Variants in CACHD1 observed in about 807,000 individuals in gnomAD.
The protein encoded by CACHD1 is cache domain containing 1.
Under a neutral mutation model 138.7 loss-of-function variants are expected in CACHD1, and 71 were observed. The observed-to-expected ratio is 0.51, with a 90% CI of 0.42 to 0.62. The LOEUF (loss-of-function observed/expected upper bound fraction) is 0.62, where lower values mean the gene tolerates loss of function less well. Among genes scored for constraint, CACHD1 ranks in the 20% least tolerant of loss-of-function variants. CACHD1 has a pLI of 0.00. For missense variants in CACHD1, 1,389 were observed against 1,625.3 expected (o/e 0.85, Z 2.50); for synonymous variants, 578 against 591.5 (o/e 0.98, Z 0.33).
intron 3 of CACHD1, among the ~76,000 whole-genome samples, chr1:64,590,565 T>A (rs1003490997): frequency 6.6e-6 from 1 of 152,216 alleles, no homozygotes; most frequent in African/African-American, 2.4e-5. Context: ...TGCTGACCCA[T>A]AATGTTCAGA....
chr1:64,554,055 A>G (rs1333053522), intron 2 of CACHD1, among the ~76,000 whole-genome samples: 1 of 152,112 alleles, frequency 6.6e-6, no homozygotes, highest in African/African-American at 2.4e-5. Flanking sequence ...TTTAAGAGAC[A>G]GGTTCTCGCT....
At chr1:64,535,320 T>G (rs947624520) in intron 1 of CACHD1, among the ~76,000 whole-genome samples, 1 of 147,252 alleles carries the variant, frequency 6.8e-6, no homozygotes, top group African/African-American at 2.7e-5. Context: ...TGATGGGAAT[T>G]TGGAGGGTTT....
At chr1:64,665,660 T>C (rs1291018455) in intron 15 of CACHD1, among the ~76,000 whole-genome samples, 2 of 152,126 alleles carry the variant, frequency 1.3e-5, no homozygotes, top group Non-Finnish European at 2.9e-5. Context: ...TCATCCTAAA[T>C]ATTTTTAGAC....
At chr1:64,611,136 G>A (rs1192067807) in intron 4 of CACHD1, among the ~76,000 whole-genome samples, 1 of 152,180 alleles carries the variant, frequency 6.6e-6, no homozygotes, top group Admixed American at 6.5e-5. Context: ...GCACAGACTA[G>A]TGGGTCCCTG....
rs558840351 is a variant in CACHD1 at position 64,528,277 on chromosome 1, T to A, written c.199-22317T>A. On this transcript the variant is annotated intron_variant, in intron 1 of 26. Transcript: ENST00000651257. ...ATAAGAAGTATTTTGGAGGAATAGG[T>A]TGACATTTAGCATTCTGGTTTGAAA... Among the ~76,000 whole-genome samples the A allele has an allele frequency of 2.6e-5, 4 of 152,328 alleles. No homozygotes were observed. The East Asian group carries it at 7.7e-4, about 29-fold the overall frequency.
chr1:64,490,253 G>A (rs1290500116), intron 1 of CACHD1, among the ~76,000 whole-genome samples: 1 of 152,166 alleles, frequency 6.6e-6, no homozygotes, highest in Non-Finnish European at 1.5e-5. Flanking sequence ...GTCTGACTGG[G>A]CATGGTTTCC....
intron 3 of CACHD1, among the ~76,000 whole-genome samples, chr1:64,587,979 A>G (rs2100549690): frequency 6.6e-6 from 1 of 152,128 alleles, no homozygotes; most frequent in Middle Eastern, 3.4e-3. Context: ...CTCTTGAAAA[A>G]TCAGAAGATT....
chr1:64,608,079 A>G (rs1446395194), intron 4 of CACHD1, among the ~76,000 whole-genome samples: 3 of 152,194 alleles, frequency 2.0e-5, no homozygotes, highest in South Asian at 4.1e-4. Context: ...TTGAATTTTT[A>G]TATTTCTGTG....
At chr1:64,505,578 C>T (rs1166026787) in intron 1 of CACHD1, among the ~76,000 whole-genome samples, 3 of 129,654 alleles carry the variant, frequency 2.3e-5, no homozygotes, top group Middle Eastern at 4.4e-3. Context: ...GCACACCCCG[C>T]CCCGCCGCCC....
chr1:64,627,920 A>C (rs1387410510), intron 4 of CACHD1, among the ~76,000 whole-genome samples: 1 of 152,176 alleles, frequency 6.6e-6, no homozygotes, highest in Non-Finnish European at 1.5e-5. Flanking sequence ...GGGAGGGAGA[A>C]GAGAAGAATT....
chr1:64,622,426 C>T (rs1476414442), intron 4 of CACHD1, among the ~76,000 whole-genome samples: 2 of 152,162 alleles, frequency 1.3e-5, no homozygotes, highest in African/African-American at 4.8e-5. Flanking sequence ...ATTAAGTGGT[C>T]AGTTTCACCT....
At chr1:64,690,189 G>T (rs75061456) in intron 26 of CACHD1, among the ~76,000 whole-genome samples, 2 of 152,100 alleles carry the variant, frequency 1.3e-5, no homozygotes, top group Non-Finnish European at 2.9e-5. Context: ...TTATAGGTAC[G>T]CAGTAAATAT....
intron 19 of CACHD1, among the ~76,000 whole-genome samples, chr1:64,674,667 C>A (rs1649925466): frequency 6.6e-6 from 1 of 152,130 alleles, no homozygotes; most frequent in Non-Finnish European, 1.5e-5. Context: ...CTAATCCTCA[C>A]CAAGCATATA....
chr1:64,543,540 C>T (rs1294093381), intron 1 of CACHD1, among the ~76,000 whole-genome samples: 1 of 151,548 alleles, frequency 6.6e-6, no homozygotes, highest in Non-Finnish European at 1.5e-5. Context: ...CATGCTACTG[C>T]ACTCCAGCCT....
intron 26 of CACHD1, 95 bp downstream of exon 26, chr1:64,682,201 A>C: frequency 9.1e-7 from 1 of 1,102,808 alleles, no homozygotes; most frequent in Non-Finnish European, 1.4e-6. Flanking sequence ...TTTTCCAAAA[A>C]GACACACCCC....
rs539651632 is a variant in CACHD1 at position 64,505,436 on chromosome 1, C to A, written c.198+34494C>A. Among the ~76,000 whole-genome samples the A allele has an allele frequency of 3.4e-4, 51 of 152,230 alleles. 1 individual carries two copies. The East Asian group carries it at 9.7e-3, about 29-fold the overall frequency. Reference sequence around the variant, plus strand: ...CTGCTGCACCCTTGGAGGCTGCGGGCTTTCCTGGGCCTCGGAGAGCGGCTC... The same window carrying A: ...CTGCTGCACCCTTGGAGGCTGCGGGATTTCCTGGGCCTCGGAGAGCGGCTC... On this transcript the variant is annotated intron_variant, in intron 1 of 26. Coordinates refer to ENST00000651257, the MANE Select transcript of CACHD1 (RefSeq NM_020925.4).
chr1:64,629,440 A>G lies in CACHD1; in HGVS notation c.603A>G (p.Ala201=). The G allele has an allele frequency of 6.2e-7, 1 of 1,614,136 alleles. No homozygotes were observed. The highest frequency in any genetic ancestry group is 8.5e-7 in the Non-Finnish European group (1 of 1,179,978). ...SEEGIFTVFP[A]HKFRCKGSYE... ...AAGGAATTTTCACTGTTTTCCCAGC[A>G]CACAAGTTCCGGTGTAAGGGCAGCT... The change falls in exon 5 of 27, where the codon GCA becomes GCG. Residue 201 remains alanine, a synonymous_variant. Transcript: ENST00000651257.
chr1:64,596,853 T>C (rs1647157405), intron 3 of CACHD1, among the ~76,000 whole-genome samples: 1 of 152,212 alleles, frequency 6.6e-6, no homozygotes, highest in Non-Finnish European at 1.5e-5. Context: ...AGGGATTTGC[T>C]TTTTAATCAT....
intron 1 of CACHD1, among the ~76,000 whole-genome samples, chr1:64,506,969 T>C (rs1371749650): frequency 6.6e-6 from 1 of 152,180 alleles, no homozygotes; most frequent in Admixed American, 6.5e-5. Context: ...TTCAGTTGTT[T>C]TTGTGACTGT....
Sources: gnomAD v4.1 joint callset for allele counts (sites outside exome capture counted in the v4.1 genomes callset) on GRCh38, gnomAD v4.1.1 for gene constraint, MANE v1.5 for transcripts, NCBI Gene and HGNC (gene_info 2026-07-23, HGNC 2026-07-21) for gene names.